The following MTSS1 variants were observed in gnomAD, a reference collection of about 807,000 sequenced individuals.
The protein encoded by MTSS1 is MTSS I-BAR domain containing 1, also known as protein MTSS 1.
A neutral mutation model predicts 79.0 loss-of-function variants in MTSS1; 18 were observed. The ratio of observed to expected loss-of-function variants is 0.23; its 90% confidence interval spans 0.16 to 0.34. MTSS1 has a LOEUF of 0.34. Among genes scored for constraint, MTSS1 ranks in the 10% least tolerant of loss-of-function variants. The pLI is 1.00. For missense variants in MTSS1, 815 were observed against 986.2 expected (o/e 0.83, Z 2.33); for synonymous variants, 341 against 368.6 (o/e 0.93, Z 0.86).
In MTSS1 at chr8:124,568,387, G is replaced by T; in HGVS notation, c.610C>A (p.Pro204Thr). The change falls in exon 7 of 14, where the codon CCA becomes ACA. Residue 204 changes from proline to threonine, a missense_variant. This residue lies in a region of MTSS1 where 225 missense variants were observed against 365.4 expected (regional missense o/e 0.62). Transcript: ENST00000518547. ...GTTTTCCATTAACTTACAATCACTG[G>T]CCGCAGCATAGAGATGAAGGTACAG... is the stretch of plus-strand genomic sequence containing the variant. Reference protein sequence around the residue: ...RFCTFISMLRPVIEEEISMLG... With the variant: ...RFCTFISMLRTVIEEEISMLG... The T allele has an allele frequency of 1.2e-6, 2 of 1,612,232 alleles. No individual in the cohort carries two copies. The highest frequency in any genetic ancestry group is 1.7e-6 in the Non-Finnish European group (2 of 1,178,524).
intron 10 of MTSS1, chr8:124,558,710 C>T (rs767531902): frequency 1.3e-6 from 2 of 1,547,888 alleles, no homozygotes; most frequent in Non-Finnish European, 1.7e-6. Flanking sequence ...CCCGGGCGGT[C>T]ACCTTCTCTG....
At chr8:124,576,693 T>C (rs17372350) in intron 6 of MTSS1, among the ~76,000 whole-genome samples, 11,539 of 152,240 alleles carry the variant, frequency 0.076, 601 homozygotes, top group Non-Finnish European at 0.11. Flanking sequence ...CGTGAATCAA[T>C]TAGTCCTACA....
At chr8:124,554,742 C>T (rs1823221672) in intron 13 of MTSS1, among the ~76,000 whole-genome samples, 1 of 152,164 alleles carries the variant, frequency 6.6e-6, no homozygotes, top group African/African-American at 2.4e-5. Flanking sequence ...GCCTTAATTT[C>T]CACTTCTGTA....
chr8:124,727,821 G>A lies in MTSS1; in HGVS notation c.72+63C>T. On this transcript the variant is annotated intron_variant, in intron 1 of 13. Transcript: ENST00000518547. This position sits in a 1 kb window ranked among gnomAD's most constrained non-coding sequence, Gnocchi z 4.7. Reference sequence around the variant, plus strand: ...CGGGTGCCCGGCCCGGGGTGGAGGCGAAGCGCGGCGGCGAGGTCAGAGCGC... The same window carrying A: ...CGGGTGCCCGGCCCGGGGTGGAGGCAAAGCGCGGCGGCGAGGTCAGAGCGC... 1.4e-6 allele frequency: 2 copies of A among 1,415,858 alleles called. No individual in the cohort carries two copies. Among genetic ancestry groups the A allele is most frequent in the Non-Finnish European group, 9.4e-7 (1 of 1,069,472 alleles). 87.7% of individuals were successfully genotyped at this position (1,415,858 alleles called of 1,614,324 possible). A position where few individuals can be genotyped will look rare whatever the true frequency, so the allele number is the denominator to read the frequency against.
chr8:124,607,371 T>G (rs191745714), intron 3 of MTSS1, among the ~76,000 whole-genome samples: 5 of 152,380 alleles, frequency 3.3e-5, no homozygotes, highest in African/African-American at 9.6e-5. Context: ...ACTCGTATAC[T>G]ATCTTCTTCT....
chr8:124,648,068 T>C (rs540621471), intron 3 of MTSS1, among the ~76,000 whole-genome samples: 1 of 152,340 alleles, frequency 6.6e-6, no homozygotes, highest in East Asian at 1.9e-4. Flanking sequence ...ATGGTGGGCA[T>C]GGACCATCAG....
At chr8:124,609,393 G>A (rs979444855) in intron 3 of MTSS1, among the ~76,000 whole-genome samples, 6 of 152,212 alleles carry the variant, frequency 3.9e-5, no homozygotes, top group East Asian at 3.9e-4. Context: ...AAAGTGGCTC[G>A]ACAGCAGAAG....
chr8:124,699,674 A>C, intron 2 of MTSS1, 75 bp from the exon 3 acceptor site: 1 of 1,330,018 alleles, frequency 7.5e-7, no homozygotes, highest in African/African-American at 1.4e-5. Context: ...AAGGCCTAAA[A>C]CCTCTGCTAA....
At chr8:124,653,838 C>CT (rs2134223680) in intron 3 of MTSS1, among the ~76,000 whole-genome samples, 1 of 152,338 alleles carries the variant, frequency 6.6e-6, no homozygotes, top group South Asian at 2.1e-4. Flanking sequence ...TGTGACTTTC[C>CT]TTGAGGCTGC....
chr8:124,706,976 G>A (rs1830464596), intron 1 of MTSS1, among the ~76,000 whole-genome samples: 1 of 152,164 alleles, frequency 6.6e-6, no homozygotes, highest in Non-Finnish European at 1.5e-5. Flanking sequence ...CAGAGGGACA[G>A]CAGTTGGCAC....
intron 1 of MTSS1, among the ~76,000 whole-genome samples, chr8:124,720,718 G>A (rs886299693): frequency 2.0e-5 from 3 of 152,232 alleles, no homozygotes; most frequent in African/African-American, 7.2e-5. Context: ...TAAGGGTGGG[G>A]CAGTGTCTGC....
Position 124,589,818 on chromosome 8 carries a change from G to A in MTSS1, c.294-107C>T, listed in dbSNP as rs114283125. 5.1e-3 allele frequency: 4,082 copies of A among 801,478 alleles called. 119 individuals are homozygous for A. In the African/African-American group the frequency reaches 0.063, roughly 12 times the overall value. 49.6% of individuals were successfully genotyped at this position (801,478 alleles called of 1,614,324 possible). A position where few individuals can be genotyped will look rare whatever the true frequency, so the allele number is the denominator to read the frequency against. On this transcript the variant is annotated intron_variant, in intron 4 of 13. Coordinates refer to ENST00000518547, the MANE Select transcript of MTSS1 (RefSeq NM_014751.6). ...TACCTAAATCACAATTACCCGAAAC[G>A]TTCTCATCTAAACCCCGGGGCTCCA...
chr8:124,698,470 TTGTC>T (rs1829203972), intron 3 of MTSS1, among the ~76,000 whole-genome samples: 1 of 152,008 alleles, frequency 6.6e-6, no homozygotes, highest in Admixed American at 6.6e-5. Context: ...AATAGGGTAA[TTGTC>T]TGTTACTGGT....
chr8:124,673,517 T>A (rs543195413), intron 3 of MTSS1: 10 of 152,232 alleles, frequency 6.6e-5, no homozygotes, highest in African/African-American at 1.9e-4. Flanking sequence ...AAACCCTGCG[T>A]GAAAGTCCCC....
intron 6 of MTSS1, chr8:124,580,408 G>T: frequency 1.2e-6 from 1 of 822,940 alleles, no homozygotes; most frequent in Non-Finnish European, 1.9e-6. Flanking sequence ...TCTTAAAGTT[G>T]TGGAAAATTA....
chr8:124,640,386 G>GC (rs1275568638), intron 3 of MTSS1, among the ~76,000 whole-genome samples: 1 of 152,160 alleles, frequency 6.6e-6, no homozygotes, highest in African/African-American at 2.4e-5. Context: ...CTTGTGAAGG[G>GC]CCAAGGCCTT....
At chr8:124,661,423 T>C (rs1822007719) in intron 3 of MTSS1, among the ~76,000 whole-genome samples, 1 of 152,138 alleles carries the variant, frequency 6.6e-6, no homozygotes, top group South Asian at 2.1e-4. Flanking sequence ...TCATGAACCA[T>C]GTTTTTCTGA....
intron 1 of MTSS1, among the ~76,000 whole-genome samples, chr8:124,718,948 G>A (rs539793818): frequency 2.0e-5 from 3 of 152,308 alleles, no homozygotes; most frequent in African/African-American, 7.2e-5. Flanking sequence ...TGAGCTTCTG[G>A]AAGAAACTCA....
chr8:124,607,133 C>T (rs1246469388), intron 3 of MTSS1, among the ~76,000 whole-genome samples: 1 of 152,236 alleles, frequency 6.6e-6, no homozygotes, highest in East Asian at 1.9e-4. Flanking sequence ...TGCCAAGCTT[C>T]GCGTTCTACG....
Sources: allele counts gnomAD v4.1 joint callset (sites outside exome capture counted in the v4.1 genomes callset), GRCh38; gene constraint gnomAD v4.1.1; regional missense constraint gnomAD v4.1.1; non-coding constraint Gnocchi (gnomAD v3.1); transcripts MANE v1.5; gene names NCBI Gene and HGNC (gene_info 2026-07-23, HGNC 2026-07-21).